Variants in BTBD9 observed in about 807,000 individuals in gnomAD.
BTBD9 encodes BTB/POZ domain-containing protein 9.
BTBD9 carries 49 observed loss-of-function variants against 64.3 expected under a neutral mutation model. The observed-to-expected ratio is 0.76, with a 90% CI of 0.61 to 0.97. The LOEUF (loss-of-function observed/expected upper bound fraction) is 0.97, where lower values mean the gene tolerates loss of function less well. Among genes scored for constraint, BTBD9 ranks in the 50% least tolerant of loss-of-function variants. BTBD9 has a pLI of 0.00. For missense variants in BTBD9, 598 were observed against 762.1 expected (o/e 0.78, Z 2.53); for synonymous variants, 260 against 274.7 (o/e 0.95, Z 0.53).
chr6:38,530,339 G>C (rs1056825890), intron 6 of BTBD9, among the ~76,000 whole-genome samples: 2 of 150,848 alleles, frequency 1.3e-5, no homozygotes, highest in Non-Finnish European at 3.0e-5. Flanking sequence ...ATCTTTGTTA[G>C]ACCCTTATTA....
chr6:38,422,105 A>G (rs1039233852), intron 6 of BTBD9, among the ~76,000 whole-genome samples: 1 of 152,176 alleles, frequency 6.6e-6, no homozygotes, highest in African/African-American at 2.4e-5. Flanking sequence ...GGGGGGTAGT[A>G]TCATTCTGGG....
rs577539283 is a variant in BTBD9, at chr6:38,334,555, C to T, written c.1264+10429G>A. 1.1e-3 allele frequency among the ~76,000 whole-genome samples: 174 copies of T among 151,580 alleles called. 2 individuals are homozygous for T. The highest frequency in any genetic ancestry group is 0.01 in the Middle Eastern group (3 of 292). On this transcript the variant is annotated intron_variant, in intron 7 of 10. Coordinates refer to ENST00000481247, the MANE Select transcript of BTBD9 (RefSeq NM_001099272.2). ...CTGCACTCCAGCCTGGGTGACAGAG[C>T]GAGACTCCATCTCAAAAATAATAAC...
chr6:38,624,508 A>C lies in BTBD9; in HGVS notation c.-28+15292T>G, dbSNP rs182405875. Among the ~76,000 whole-genome samples the C allele has an allele frequency of 8.8e-4, 134 of 152,322 alleles. 1 individual carries two copies. The highest frequency in any genetic ancestry group is 1.2e-3 in the Non-Finnish European group (82 of 68,030). ...CACAGGAGGATTGCTTGAGCCCAAG[A>C]GTTTGAGACCCACCTGGGCAAAAGA... On this transcript the variant is annotated intron_variant, in intron 1 of 10. Transcript: ENST00000481247.
At chr6:38,280,733 C>T (rs1761479212) in intron 8 of BTBD9, among the ~76,000 whole-genome samples, 1 of 152,176 alleles carries the variant, frequency 6.6e-6, no homozygotes, top group South Asian at 2.1e-4. Context: ...ATGTCAGAGC[C>T]TAACTCCAGA....
chr6:38,565,314 A>T (rs1775444230), intron 6 of BTBD9, among the ~76,000 whole-genome samples: 1 of 152,184 alleles, frequency 6.6e-6, no homozygotes, highest in South Asian at 2.1e-4. Context: ...TGTGCATTGT[A>T]AGATGTTTAA....
intron 6 of BTBD9, among the ~76,000 whole-genome samples, chr6:38,454,583 G>C (rs1769711699): frequency 6.6e-6 from 1 of 151,428 alleles, no homozygotes; most frequent in Non-Finnish European, 1.5e-5. Flanking sequence ...GCTCACTTGA[G>C]ACTGAGAGTT....
intron 6 of BTBD9, among the ~76,000 whole-genome samples, chr6:38,546,906 G>A (rs1196335425): frequency 6.6e-6 from 1 of 152,074 alleles, no homozygotes; most frequent in African/African-American, 2.4e-5. Context: ...GACCTCAGGC[G>A]ATCCACCCAC....
intron 6 of BTBD9, among the ~76,000 whole-genome samples, chr6:38,364,179 A>T (rs1399355750): frequency 6.6e-6 from 1 of 152,192 alleles, no homozygotes; most frequent in African/African-American, 2.4e-5. Flanking sequence ...TTTGGAGGAC[A>T]CTGTGTTTAA....
At chr6:38,484,582 G>A (rs79056149) in intron 6 of BTBD9, among the ~76,000 whole-genome samples, 3,257 of 152,250 alleles carry the variant, frequency 0.021, 66 homozygotes, top group East Asian at 0.093. Context: ...TATGAGACAG[G>A]TACAGGGATA....
intron 9 of BTBD9, among the ~76,000 whole-genome samples, chr6:38,234,349 G>A (rs762488733): frequency 4.4e-4 from 67 of 152,228 alleles, no homozygotes; most frequent in Admixed American, 4.4e-3. Flanking sequence ...CTATCACCCT[G>A]CAGCTGCTTG....
chr6:38,331,295 A>G (rs1385516125), intron 7 of BTBD9, among the ~76,000 whole-genome samples: 1 of 152,178 alleles, frequency 6.6e-6, no homozygotes, highest in East Asian at 1.9e-4. Flanking sequence ...CCTGGCCAAC[A>G]TGGTGAAACC....
At chr6:38,282,747 C>T (rs1761566421) in intron 8 of BTBD9, among the ~76,000 whole-genome samples, 1 of 152,188 alleles carries the variant, frequency 6.6e-6, no homozygotes. Context: ...TGCTCATCCC[C>T]AGAGGACTTA....
At chr6:38,315,587 T>C (rs1034138628) in intron 7 of BTBD9, among the ~76,000 whole-genome samples, 1 of 152,222 alleles carries the variant, frequency 6.6e-6, no homozygotes, top group African/African-American at 2.4e-5. Flanking sequence ...TTCAGAGGCA[T>C]ACTGTTTAAT....
rs151256591 is a variant in BTBD9, at chr6:38,421,040, T to C, written c.1155-75947A>G. On this transcript the variant is annotated intron_variant, in intron 6 of 10. Transcript: ENST00000481247. ...TTAAGATCCTTATTTTCTTTTATGA[T>C]GTCTTAAAGGGTATTTAATAATAAA... Among the ~76,000 whole-genome samples the C allele has an allele frequency of 5.9e-5, 9 of 152,198 alleles. No individual in the cohort carries two copies. The East Asian group carries it at 1.7e-3, about 29-fold the overall frequency.
At chr6:38,372,617 C>T (rs1439966331) in intron 6 of BTBD9, among the ~76,000 whole-genome samples, 1 of 152,128 alleles carries the variant, frequency 6.6e-6, no homozygotes, top group Non-Finnish European at 1.5e-5. Context: ...TTTTTAGGGG[C>T]TATGTTCTTG....
chr6:38,552,545 T>A (rs1315380700), intron 6 of BTBD9, among the ~76,000 whole-genome samples: 1 of 151,808 alleles, frequency 6.6e-6, no homozygotes, highest in Non-Finnish European at 1.5e-5. Context: ...TTTGGGAGGA[T>A]CACCTGACGT....
intron 6 of BTBD9, among the ~76,000 whole-genome samples, chr6:38,520,192 A>C (rs1773217360): frequency 6.6e-6 from 1 of 152,162 alleles, no homozygotes; most frequent in Non-Finnish European, 1.5e-5. Context: ...AGTGGCTCAC[A>C]CCTGTAATCC....
intron 8 of BTBD9, among the ~76,000 whole-genome samples, chr6:38,267,500 T>C (rs539001664): frequency 9.3e-4 from 142 of 152,300 alleles, no homozygotes; most frequent in African/African-American, 3.3e-3. Context: ...CACCATCCAG[T>C]GGCCCCTCCC....
intron 8 of BTBD9, among the ~76,000 whole-genome samples, chr6:38,274,051 T>C (rs571769819): frequency 2.6e-5 from 4 of 152,332 alleles, no homozygotes; most frequent in South Asian, 4.1e-4. Context: ...AAGATGGATA[T>C]AGGGGAAGGC....
Sources: gnomAD v4.1 joint callset for allele counts (sites outside exome capture counted in the v4.1 genomes callset) on GRCh38, gnomAD v4.1.1 for gene constraint, MANE v1.5 for transcripts, NCBI Gene and HGNC (gene_info 2026-07-23, HGNC 2026-07-21) for gene names.